UBASH3B: variants seen among roughly 807,000 people sequenced by gnomAD.
UBASH3B encodes the protein ubiquitin-associated and SH3 domain-containing protein B.
In UBASH3B, 37 loss-of-function variants were observed where a neutral mutation model predicts 83.4. The observed-to-expected ratio is 0.44, with a 90% confidence interval of 0.34 to 0.58. The LOEUF (loss-of-function observed/expected upper bound fraction) is 0.58. Ranked by LOEUF, UBASH3B falls within the 20% of genes least tolerant of loss-of-function variation. The pLI, the probability that UBASH3B is intolerant of heterozygous loss-of-function variation, is 0.01. For missense variants in UBASH3B, 657 were observed against 827.2 expected (o/e 0.79, Z 2.52); for synonymous variants, 304 against 318.3 (o/e 0.96, Z 0.48).
At chr11:122,710,876 A>T (rs1462506728) in intron 1 of UBASH3B, among the ~76,000 whole-genome samples, 4 of 152,052 alleles carry the variant, frequency 2.6e-5, no homozygotes, top group Non-Finnish European at 5.9e-5. Context: ...GGGGGTGGAG[A>T]TGGTAGAGCA....
At chr11:122,757,213 AT>A (rs1396636828) in intron 1 of UBASH3B, among the ~76,000 whole-genome samples, 1 of 152,212 alleles carries the variant, frequency 6.6e-6, no homozygotes, top group Admixed American at 6.5e-5. Flanking sequence ...CCAAATTCAT[AT>A]GCTGAAATCC....
intron 1 of UBASH3B, among the ~76,000 whole-genome samples, chr11:122,732,723 G>A (rs1429974145): frequency 3.9e-5 from 6 of 152,120 alleles, no homozygotes; most frequent in Non-Finnish European, 8.8e-5. Context: ...AAACTAACAA[G>A]CTAATTAAAA....
At chr11:122,717,936 AC>A (rs1860553980) in intron 1 of UBASH3B, among the ~76,000 whole-genome samples, 1 of 126,546 alleles carries the variant, frequency 7.9e-6, no homozygotes, top group African/African-American at 4.0e-5. Flanking sequence ...GACAAGTCTC[AC>A]TCTGTCACCA....
intron 1 of UBASH3B, among the ~76,000 whole-genome samples, chr11:122,667,134 C>T (rs1355845319): frequency 6.8e-6 from 1 of 148,096 alleles, no homozygotes; most frequent in African/African-American, 2.5e-5. Flanking sequence ...ACCTTTGCCT[C>T]CTGGGTTCAA....
chr11:122,674,432 G>A (rs1348884445), intron 1 of UBASH3B, among the ~76,000 whole-genome samples: 4 of 148,642 alleles, frequency 2.7e-5, no homozygotes, highest in African/African-American at 1.0e-4. Context: ...TGAGGCTGGA[G>A]TGCAGCGGCG....
intron 1 of UBASH3B, among the ~76,000 whole-genome samples, chr11:122,672,438 A>G (rs533523586): frequency 7.5e-4 from 114 of 151,978 alleles, no homozygotes; most frequent in African/African-American, 2.4e-3. Context: ...TTCTGCCTCA[A>G]CCTCAACCTC....
At chr11:122,720,727 C>G (rs922230119) in intron 1 of UBASH3B, among the ~76,000 whole-genome samples, 2 of 152,192 alleles carry the variant, frequency 1.3e-5, no homozygotes, top group African/African-American at 4.8e-5. Context: ...CAGCTATCCA[C>G]AGAGCTCTCC....
At chr11:122,744,450 G>T (rs1337785891) in intron 1 of UBASH3B, among the ~76,000 whole-genome samples, 1 of 152,028 alleles carries the variant, frequency 6.6e-6, no homozygotes, top group Non-Finnish European at 1.5e-5. Context: ...CTGTGTGAGT[G>T]CCTATATAAG....
At chr11:122,712,470 G>A (rs1555139129) in intron 1 of UBASH3B, among the ~76,000 whole-genome samples, 1 of 152,094 alleles carries the variant, frequency 6.6e-6, no homozygotes, top group Non-Finnish European at 1.5e-5. Context: ...CAGCCCAAAT[G>A]GACCCAGGGG....
At chr11:122,667,252 G>A (rs1048019548) in intron 1 of UBASH3B, among the ~76,000 whole-genome samples, 48 of 151,362 alleles carry the variant, frequency 3.2e-4, no homozygotes, top group Non-Finnish European at 1.2e-4. Context: ...TTGCCATGTT[G>A]GCCAGGCTGG....
intron 1 of UBASH3B, among the ~76,000 whole-genome samples, chr11:122,725,342 A>AAAAAAGAGAG (rs71281633): frequency 1.5e-5 from 2 of 130,780 alleles, no homozygotes. Context: ...AAAAAAAAAA[A>AAAAAAGAGAG]AAGAAAAGAA....
At chr11:122,700,967 C>G (rs889479250) in intron 1 of UBASH3B, among the ~76,000 whole-genome samples, 3 of 152,100 alleles carry the variant, frequency 2.0e-5, no homozygotes, top group African/African-American at 7.2e-5. Context: ...CTGAAGACAC[C>G]CTGCTCCACA....
At chr11:122,729,732 G>A (rs1175587427) in intron 1 of UBASH3B, among the ~76,000 whole-genome samples, 1 of 146,324 alleles carries the variant, frequency 6.8e-6, no homozygotes, top group Non-Finnish European at 1.5e-5. Context: ...GGCCCAGGTG[G>A]GAGGATCGCT....
intron 5 of UBASH3B, among the ~76,000 whole-genome samples, chr11:122,787,824 T>C (rs544868623): frequency 1.6e-4 from 25 of 152,336 alleles, no homozygotes; most frequent in Admixed American, 4.6e-4. Flanking sequence ...GTTAGAAATA[T>C]GCAAATGGAG....
intron 1 of UBASH3B, among the ~76,000 whole-genome samples, chr11:122,714,985 G>A (rs907939270): frequency 2.6e-5 from 4 of 151,984 alleles, no homozygotes; most frequent in African/African-American, 9.7e-5. Flanking sequence ...TCGCTCTGTC[G>A]CCCGGGCTGG....
At chr11:122,683,484 G>T (rs945731769) in intron 1 of UBASH3B, among the ~76,000 whole-genome samples, 25 of 151,548 alleles carry the variant, frequency 1.6e-4, no homozygotes, top group Admixed American at 3.3e-4. Flanking sequence ...GCGTGGTGGC[G>T]CACGCCTGTA....
intron 1 of UBASH3B, among the ~76,000 whole-genome samples, chr11:122,702,250 G>A (rs1864048780): frequency 6.6e-6 from 1 of 152,172 alleles, no homozygotes; most frequent in Admixed American, 6.5e-5. Flanking sequence ...GTCCAACATA[G>A]TTACGTGCAA....
In UBASH3B at chr11:122,759,932, AG is replaced by A. The variant is rs1360122968; in HGVS notation, c.162-16285del. Among the ~76,000 whole-genome samples the A allele has an allele frequency of 8.5e-5, 13 of 152,332 alleles. No individual in the cohort carries two copies. Among genetic ancestry groups the A allele is most frequent in the African/African-American group, 2.9e-4 (12 of 41,570 alleles). On this transcript the variant is annotated intron_variant, in intron 1 of 13. Coordinates refer to ENST00000284273, the MANE Select transcript of UBASH3B (RefSeq NM_032873.5). The surrounding 1 kb of genome is among the most constrained non-coding windows in gnomAD (Gnocchi z 4.1). ...CCTTTGCCATATAGAGGTAAGTCAT[AG>A]GTCTCACCTACACTTGAGGGGAGGG... is the stretch of plus-strand genomic sequence containing the variant.
At chr11:122,730,514 G>A (rs1591790384) in intron 1 of UBASH3B, among the ~76,000 whole-genome samples, 1 of 152,174 alleles carries the variant, frequency 6.6e-6, no homozygotes, top group East Asian at 1.9e-4. Context: ...CCCTCACAGA[G>A]GTGTAGGGCC....
Sources: allele counts gnomAD v4.1 joint callset (sites outside exome capture counted in the v4.1 genomes callset), GRCh38; gene constraint gnomAD v4.1.1; non-coding constraint Gnocchi (gnomAD v3.1); transcripts MANE v1.5; gene names NCBI Gene and HGNC (gene_info 2026-07-23, HGNC 2026-07-21).